Variants in GDPD1 observed in about 807,000 individuals in gnomAD.
GDPD1 encodes the protein glycerophosphodiester phosphodiesterase domain containing 1.
GDPD1 carries 28 observed loss-of-function variants against 45.1 expected under a neutral mutation model. The observed-to-expected ratio is 0.62, with a 90% CI of 0.46 to 0.85. The LOEUF is 0.85. Among genes scored for constraint, GDPD1 ranks in the 40% least tolerant of loss-of-function variants. The pLI is 0.00. For synonymous variants in GDPD1, 139 were observed against 131.4 expected, an observed-to-expected ratio of 1.06 and a Z score of -0.40; for missense variants, 256 against 364.8, an observed-to-expected ratio of 0.70 and a Z score of 2.43.
intron 6 of GDPD1, among the ~76,000 whole-genome samples, chr17:59,264,030 G>A (rs1438642556): frequency 6.6e-6 from 1 of 151,696 alleles, no homozygotes; most frequent in Admixed American, 6.6e-5. Flanking sequence ...ACAGAATGTC[G>A]CTCTGTCACC....
chr17:59,232,437 G>A (rs147706334), intron 1 of GDPD1, among the ~76,000 whole-genome samples: 134 of 149,848 alleles, frequency 8.9e-4, no homozygotes, highest in African/African-American at 3.2e-3. Context: ...GTGACAGAGC[G>A]AGACTCCGTC....
intron 4 of GDPD1, among the ~76,000 whole-genome samples, chr17:59,255,706 G>A (rs1267538718): frequency 1.7e-5 from 2 of 120,872 alleles, no homozygotes; most frequent in Non-Finnish European, 1.6e-5. Context: ...TCGCACTATC[G>A]CACTCCAGCC....
intron 1 of GDPD1, among the ~76,000 whole-genome samples, chr17:59,231,145 A>T (rs1330202271): frequency 6.6e-6 from 1 of 152,054 alleles, no homozygotes; most frequent in Non-Finnish European, 1.5e-5. Flanking sequence ...GTTGGACTGG[A>T]TGACAACTGC....
At chr17:59,257,623 A>G (rs2047319336) in intron 5 of GDPD1, 128 bp from the exon 6 acceptor site, 1 of 616,788 alleles carries the variant, frequency 1.6e-6, no homozygotes, top group East Asian at 3.2e-5. Flanking sequence ...CTAAATTTAC[A>G]TATTGATTCT....
chr17:59,256,048 A>C (rs1187204680), intron 4 of GDPD1, among the ~76,000 whole-genome samples: 3 of 149,628 alleles, frequency 2.0e-5, no homozygotes, highest in African/African-American at 7.4e-5. Context: ...GACCGGGTAC[A>C]TGGTTCATGC....
Position 59,274,726 on chromosome 17 carries a change from C to T in GDPD1, c.*953C>T, listed in dbSNP as rs952071211. 7.3e-5 allele frequency among the ~76,000 whole-genome samples: 11 copies of T among 150,110 alleles called. No homozygotes were observed. The highest frequency in any genetic ancestry group is 2.7e-4 in the Admixed American group (4 of 15,074). On this transcript the variant is annotated 3_prime_UTR_variant, in exon 10 of 10. Transcript: ENST00000284116. ...CCGGGAGGCGGAGCTTGCAGTGAGCCGAGATCGCGCCACTGCACTCCAGCC... is the reference window on the plus strand; with the variant it reads ...CCGGGAGGCGGAGCTTGCAGTGAGCTGAGATCGCGCCACTGCACTCCAGCC...
chr17:59,258,853 G>T (rs558378871), intron 6 of GDPD1, among the ~76,000 whole-genome samples: 1 of 152,202 alleles, frequency 6.6e-6, no homozygotes, highest in South Asian at 2.1e-4. Flanking sequence ...TGGGCATGAT[G>T]ACTCATGCCT....
rs151127117 is a variant in GDPD1 at position 59,239,304 on chromosome 17, T to C, written c.185+4770T>C. Among the ~76,000 whole-genome samples the C allele has an allele frequency of 3.9e-3, 599 of 152,366 alleles. 5 individuals are homozygous for C. Among genetic ancestry groups the C allele is most frequent in the African/African-American group, 0.014 (588 of 41,596 alleles). On this transcript the variant is annotated intron_variant, in intron 2 of 9. Coordinates refer to ENST00000284116, the MANE Select transcript of GDPD1 (RefSeq NM_182569.4). ...ATTTTAAGTTGTTATGCATTGTTTC[T>C]GTGGAGTTTCTTTCACATTTTCTTT...
chr17:59,256,474 A>C (rs2047309916), intron 4 of GDPD1, among the ~76,000 whole-genome samples: 1 of 152,232 alleles, frequency 6.6e-6, no homozygotes, highest in Non-Finnish European at 1.5e-5. Flanking sequence ...TTACTGATTT[A>C]GTGTATACTT....
chr17:59,233,046 T>A (rs1398775776), intron 1 of GDPD1, among the ~76,000 whole-genome samples: 1 of 151,818 alleles, frequency 6.6e-6, no homozygotes, highest in African/African-American at 2.4e-5. Flanking sequence ...CAAAACCCCA[T>A]CTCTACTAAA....
At chr17:59,261,397 A>G (rs756022203) in intron 6 of GDPD1, among the ~76,000 whole-genome samples, 2 of 152,186 alleles carry the variant, frequency 1.3e-5, no homozygotes, top group Non-Finnish European at 2.9e-5. Context: ...AGACTCTTCC[A>G]TAACTCCCAG....
chr17:59,256,042 G>T (rs1052590890), intron 4 of GDPD1, among the ~76,000 whole-genome samples: 1 of 151,098 alleles, frequency 6.6e-6, no homozygotes, highest in South Asian at 2.1e-4. Context: ...AAAAGGGACC[G>T]GGTACATGGT....
intron 6 of GDPD1, among the ~76,000 whole-genome samples, chr17:59,261,851 C>T (rs569124405): frequency 6.7e-5 from 10 of 150,302 alleles, no homozygotes; most frequent in African/African-American, 2.2e-4. Flanking sequence ...CCAAGCTGGT[C>T]TCAAACTCCT....
chr17:59,238,035 G>A (rs953150883), intron 2 of GDPD1, among the ~76,000 whole-genome samples: 26 of 149,980 alleles, frequency 1.7e-4, no homozygotes, highest in Admixed American at 9.3e-4. Flanking sequence ...TTGGGAGGCC[G>A]AGGCGGGTGG....
At chr17:59,249,713 A>T (rs1414605523) in intron 4 of GDPD1, among the ~76,000 whole-genome samples, 1 of 152,216 alleles carries the variant, frequency 6.6e-6, no homozygotes, top group Admixed American at 6.6e-5. Flanking sequence ...AGGCTCCCTC[A>T]TTGTCACAAG....
At chr17:59,262,200 G>A (rs554394543) in intron 6 of GDPD1, among the ~76,000 whole-genome samples, 17 of 152,132 alleles carry the variant, frequency 1.1e-4, no homozygotes, top group African/African-American at 4.1e-4. Flanking sequence ...GATTACAGGC[G>A]TACAGGCATT....
Position 59,227,815 on chromosome 17 carries a change from C to T in GDPD1, c.143-6677C>T, listed in dbSNP as rs2047059118. ...CTTGCCAATTAAACTGTTCATTATA[C>T]AGCATTAATTGTAAAATACATCTTA... On this transcript the variant is annotated intron_variant, in intron 1 of 9. Coordinates refer to ENST00000284116, the MANE Select transcript of GDPD1 (RefSeq NM_182569.4). Among the ~76,000 whole-genome samples the T allele has an allele frequency of 2.0e-5, 3 of 152,158 alleles. No homozygotes were observed. The South Asian group carries it at 6.2e-4, about 32-fold the overall frequency.
At chr17:59,234,117 A>G (rs2147878427) in intron 1 of GDPD1, among the ~76,000 whole-genome samples, 1 of 152,128 alleles carries the variant, frequency 6.6e-6, no homozygotes, top group African/African-American at 2.4e-5. Context: ...GGAGGCCGAG[A>G]TGGACAGATC....
chr17:59,268,509 G>T (rs2047416284), intron 7 of GDPD1, among the ~76,000 whole-genome samples: 1 of 145,298 alleles, frequency 6.9e-6, no homozygotes, highest in Admixed American at 7.2e-5. Context: ...AGCCTGGGAG[G>T]CAGAGCTTGC....
Sources: gnomAD v4.1 joint callset for allele counts (sites outside exome capture counted in the v4.1 genomes callset) on GRCh38, gnomAD v4.1.1 for gene constraint, MANE v1.5 for transcripts, NCBI Gene and HGNC (gene_info 2026-07-23, HGNC 2026-07-21) for gene names.